Variants in TDRD3 observed in about 807,000 individuals in gnomAD.
TDRD3 encodes the protein tudor domain containing 3, also known as tudor domain-containing protein 3.
TDRD3 carries 45 observed loss-of-function variants against 86.7 expected under a neutral mutation model. The observed-to-expected ratio is 0.52, with a 90% CI of 0.41 to 0.67. The LOEUF is 0.67. Ranked by LOEUF, TDRD3 falls within the 30% of genes least tolerant of loss-of-function variation. The probability of loss-of-function intolerance (pLI) is 0.00; values close to 1 mark genes in which losing one functional copy is unlikely to be tolerated. For missense variants in TDRD3, 814 were observed against 889.0 expected (o/e 0.92, Z 1.07); for synonymous variants, 298 against 301.7 (o/e 0.99, Z 0.13).
chr13:60,453,109 A>G (rs1955585812), intron 3 of TDRD3, among the ~76,000 whole-genome samples: 1 of 152,188 alleles, frequency 6.6e-6, no homozygotes, highest in Non-Finnish European at 1.5e-5. Flanking sequence ...GAAACTATGC[A>G]ATACAAAAGT....
At chr13:60,503,610 C>T (rs1956878532) in intron 8 of TDRD3, among the ~76,000 whole-genome samples, 1 of 151,998 alleles carries the variant, frequency 6.6e-6, no homozygotes. Flanking sequence ...TTTCAGGGGC[C>T]CTCTGAACCA....
intron 1 of TDRD3, among the ~76,000 whole-genome samples, chr13:60,401,934 T>C (rs1384784666): frequency 1.3e-5 from 2 of 152,112 alleles, no homozygotes; most frequent in Non-Finnish European, 2.9e-5. Flanking sequence ...ATGGGATAAA[T>C]AGAAAAAAAT....
intron 8 of TDRD3, among the ~76,000 whole-genome samples, chr13:60,501,808 TA>T (rs1183020973): frequency 6.6e-6 from 1 of 152,234 alleles, no homozygotes; most frequent in Non-Finnish European, 1.5e-5. Flanking sequence ...CTTTCCTTTA[TA>T]ACCTTATTTG....
In TDRD3 at chr13:60,553,520, C is replaced by G. The variant is rs939151593; in HGVS notation, c.2119-14005C>G. Among the ~76,000 whole-genome samples, 6 of 150,574 alleles carry G rather than the reference C, an allele frequency of 4.0e-5. 1 individual carries two copies. Among genetic ancestry groups the G allele is most frequent in the Admixed American group, 2.7e-4 (4 of 15,064 alleles). Reference sequence around the variant, plus strand: ...TAGTCCATTCTCTGCTCTAGAGATACTACCTGAGACTGGGTAATTTATTTT... The same window carrying G: ...TAGTCCATTCTCTGCTCTAGAGATAGTACCTGAGACTGGGTAATTTATTTT... On this transcript the variant is annotated intron_variant, in intron 12 of 13. Transcript: ENST00000377881.
chr13:60,465,500 C>T (rs1955898885), intron 4 of TDRD3, among the ~76,000 whole-genome samples: 1 of 152,102 alleles, frequency 6.6e-6, no homozygotes, highest in Non-Finnish European at 1.5e-5. Flanking sequence ...TGTGATTGAT[C>T]ACTAAAAATG....
At position 60,569,305 on chromosome 13, in the gene TDRD3, A is replaced by C. The variant is rs560243547; in HGVS notation, c.*9+1655A>C. ...AACAATCTGAAAAGGAAACCAAGAA[A>C]GTAATCCCAATTAAAATAGCTACAA... On this transcript the variant is annotated intron_variant, in intron 13 of 13. Transcript: ENST00000377881. Among the ~76,000 whole-genome samples, 10 of 152,336 alleles carry C rather than the reference A, an allele frequency of 6.6e-5. No individual in the cohort carries two copies. The South Asian group carries it at 2.1e-3, about 32-fold the overall frequency.
intron 8 of TDRD3, among the ~76,000 whole-genome samples, chr13:60,501,770 A>G (rs1215545198): frequency 6.6e-6 from 1 of 152,214 alleles, no homozygotes; most frequent in Non-Finnish European, 1.5e-5. Flanking sequence ...AGTACTTACT[A>G]TACAAGATCC....
intron 4 of TDRD3, among the ~76,000 whole-genome samples, chr13:60,462,069 C>T (rs369229674): frequency 1.5e-4 from 23 of 152,200 alleles, no homozygotes; most frequent in African/African-American, 4.8e-4. Flanking sequence ...ATATGTTTGT[C>T]GAAAATGTTG....
In TDRD3 at chr13:60,439,756, T is replaced by A; in HGVS notation, c.110T>A (p.Ile37Asn). ...GACAAAGTCAATGTAAATGACATCA[T>A]CCTGATTGCTCTCAATGTAGGTTAT... is the stretch of plus-strand genomic sequence containing the variant. ...SPDKVNVNDI[I>N]LIALNTDLRT... is the part of the protein sequence containing the mutation. The change falls in exon 2 of 14, where the codon ATC becomes AAC. Residue 37 changes from isoleucine to asparagine, a missense_variant. Ile to Asn is a moderately radical substitution (Grantham distance 149, BLOSUM62 -3). Transcript: ENST00000377881. The A allele has an allele frequency of 6.5e-7, 1 of 1,539,570 alleles. No homozygotes were observed. Among genetic ancestry groups the A allele is most frequent in the Non-Finnish European group, 8.8e-7 (1 of 1,142,606 alleles).
chr13:60,524,114 T>C (rs1234160576), intron 10 of TDRD3, among the ~76,000 whole-genome samples: 1 of 152,158 alleles, frequency 6.6e-6, no homozygotes, highest in Non-Finnish European at 1.5e-5. Flanking sequence ...TTTAGAATCA[T>C]GATGCCTTCT....
chr13:60,496,967 G>A (rs1349594507), intron 8 of TDRD3, among the ~76,000 whole-genome samples: 5 of 152,134 alleles, frequency 3.3e-5, no homozygotes, highest in East Asian at 1.9e-4. Context: ...TGTTAGAAGC[G>A]GTGGGTCACG....
At chr13:60,456,496 A>G (rs1236092838) in intron 3 of TDRD3, among the ~76,000 whole-genome samples, 2 of 152,194 alleles carry the variant, frequency 1.3e-5, no homozygotes, top group Non-Finnish European at 1.5e-5. Context: ...AAAATTTTTT[A>G]GAGTAATTTC....
chr13:60,499,801 C>T (rs1366884551), intron 8 of TDRD3, among the ~76,000 whole-genome samples: 1 of 152,152 alleles, frequency 6.6e-6, no homozygotes, highest in Non-Finnish European at 1.5e-5. Flanking sequence ...AGGCACAATG[C>T]CTAGTGGGCC....
At position 60,467,391 on chromosome 13, in the gene TDRD3, C is replaced by T; in HGVS notation, c.495+12C>T. 6.2e-7 allele frequency: 1 copy of T among 1,610,490 alleles called. No individual in the cohort carries two copies. Among genetic ancestry groups the T allele is most frequent in the Non-Finnish European group, 8.5e-7 (1 of 1,178,920 alleles). ...GGGAGTTACAGAGAGTAAGTGTAAACTATGGCTTGAACTTTTGAAACATTA... is the reference window on the plus strand; with the variant it reads ...GGGAGTTACAGAGAGTAAGTGTAAATTATGGCTTGAACTTTTGAAACATTA... On this transcript the variant is annotated intron_variant, in intron 5 of 13. Coordinates refer to ENST00000377881, the MANE Select transcript of TDRD3 (RefSeq NM_001146070.2).
rs116118856 is a variant in TDRD3, at chr13:60,504,419, A to G, written c.859-5344A>G. Among the ~76,000 whole-genome samples, 629 of 152,314 alleles carry G rather than the reference A, an allele frequency of 4.1e-3. 5 individuals carry two copies. The highest frequency in any genetic ancestry group is 0.014 in the African/African-American group (598 of 41,562). On this transcript the variant is annotated intron_variant, in intron 8 of 13. Coordinates refer to ENST00000377881, the MANE Select transcript of TDRD3 (RefSeq NM_001146070.2). Reference sequence around the variant, plus strand: ...CTGACTTTCCAGCATCTAACTCCATATGTCCCAGGACTTGCCTGTCTGTAA... The same window carrying G: ...CTGACTTTCCAGCATCTAACTCCATGTGTCCCAGGACTTGCCTGTCTGTAA...
intron 12 of TDRD3, among the ~76,000 whole-genome samples, chr13:60,556,092 T>C (rs11838454): frequency 0.42 from 64,166 of 151,964 alleles, 14,071 homozygotes; most frequent in South Asian, 0.54. Flanking sequence ...GTGATCTGCC[T>C]GCCTCGGCCT....
intron 1 of TDRD3, among the ~76,000 whole-genome samples, chr13:60,437,392 C>T (rs1241152558): frequency 6.6e-6 from 1 of 151,838 alleles, no homozygotes; most frequent in Non-Finnish European, 1.5e-5. Flanking sequence ...TCCCAAAGTG[C>T]TGGGGTTAGA....
chr13:60,478,060 T>C (rs780979757), intron 5 of TDRD3, among the ~76,000 whole-genome samples: 1 of 152,144 alleles, frequency 6.6e-6, no homozygotes, highest in Non-Finnish European at 1.5e-5. Flanking sequence ...AAACTTGTTA[T>C]TGGTCTGGTC....
chr13:60,566,844 C>G (rs930173511), intron 12 of TDRD3, among the ~76,000 whole-genome samples: 3 of 152,146 alleles, frequency 2.0e-5, no homozygotes, highest in African/African-American at 7.2e-5. Context: ...CCCTATGCTA[C>G]TCCTTGAACT....
Sources: gnomAD v4.1 joint callset for allele counts (sites outside exome capture counted in the v4.1 genomes callset) on GRCh38, gnomAD v4.1.1 for gene constraint, MANE v1.5 for transcripts, NCBI Gene and HGNC (gene_info 2026-07-23, HGNC 2026-07-21) for gene names.